PHKA1: variants seen among roughly 807,000 people sequenced by gnomAD.
PHKA1 encodes phosphorylase kinase regulatory subunit alpha 1, also known as phosphorylase b kinase regulatory subunit alpha, skeletal muscle isoform.
PHKA1 carries 60 observed loss-of-function variants against 110.2 expected under a neutral mutation model. That is an observed-to-expected ratio of 0.54 (90% CI 0.44 to 0.68). PHKA1 has a LOEUF of 0.68. Among genes scored for constraint, PHKA1 ranks in the 30% least tolerant of loss-of-function variants. The probability of loss-of-function intolerance (pLI) is 0.00; values close to 1 mark genes in which losing one functional copy is unlikely to be tolerated. For synonymous variants in PHKA1, 316 were observed against 333.6 expected (o/e 0.95, Z 0.58); for missense variants, 801 against 942.5 (o/e 0.85, Z 1.97).
chrX:72,637,563 A>C (rs1556292604), intron 14 of PHKA1, among the ~76,000 whole-genome samples: 1 of 111,671 alleles, frequency 9.0e-6, no homozygotes, highest in African/African-American at 3.3e-5. Context: ...TTGGATATAT[A>C]CTCAGAAGTG....
chrX:72,646,056 G>A (rs1173389068), intron 13 of PHKA1, among the ~76,000 whole-genome samples: 1 of 112,168 alleles, frequency 8.9e-6, no homozygotes, highest in Non-Finnish European at 1.9e-5. Flanking sequence ...TGTATAGAGG[G>A]AGGTGGGAAG....
At position 72,700,362 on chromosome X, in the gene PHKA1, T is replaced by G. The variant is rs188680401; in HGVS notation, c.286-4486A>C. Among the ~76,000 whole-genome samples, 913 of 112,355 alleles carry G rather than the reference T, an allele frequency of 8.1e-3. 15 individuals carry two copies. The highest frequency in any genetic ancestry group is 0.028 in the African/African-American group (870 of 31,000). Reference sequence around the variant, plus strand: ...AAATTATGTCTTTTTCTAACCTAATTAATCCTTTAAGACATTAGGTTCCCT... The same window carrying G: ...AAATTATGTCTTTTTCTAACCTAATGAATCCTTTAAGACATTAGGTTCCCT... On this transcript the variant is annotated intron_variant, in intron 3 of 31. Coordinates refer to ENST00000373542, the MANE Select transcript of PHKA1 (RefSeq NM_002637.4).
At chrX:72,613,408 C>CAA (rs1556263902) in intron 21 of PHKA1, among the ~76,000 whole-genome samples, 3 of 106,199 alleles carry the variant, frequency 2.8e-5, no homozygotes, top group African/African-American at 7.2e-5. Context: ...CACACACACA[C>CAA]AACACTGACT....
At chrX:72,649,853 G>A (rs2053406544) in intron 13 of PHKA1, among the ~76,000 whole-genome samples, 1 of 110,150 alleles carries the variant, frequency 9.1e-6, no homozygotes, top group Admixed American at 9.7e-5. Context: ...TTAGCTAGGC[G>A]TGGTGGTGCG....
intron 5 of PHKA1, among the ~76,000 whole-genome samples, chrX:72,677,978 G>A (rs1447478277): frequency 9.9e-5 from 11 of 111,366 alleles, no homozygotes; most frequent in Non-Finnish European, 1.9e-4. Context: ...AGTCCAGGAG[G>A]TTGAAGCTGA....
rs781879626 is a variant in PHKA1 at position 72,582,521 on chromosome X, C to T, written c.3375G>A (p.Gln1125=). ...LNRVPQPEYR[Q]LLVEAILVLT... ...GGACAAGGATGGCTTCAACCAGCAG[C>T]TGACGGTACTCTGGCTGAGGTACAC... Residue 1125 remains glutamine (Q), a synonymous_variant, in exon 31 of 32, where the codon CAG becomes CAA. Coordinates refer to ENST00000373542, the MANE Select transcript of PHKA1 (RefSeq NM_002637.4). 1 of 1,199,848 alleles carries T rather than the reference C, an allele frequency of 8.3e-7. No individual in the cohort carries two copies. Among genetic ancestry groups the T allele is most frequent in the Non-Finnish European group, 1.1e-6 (1 of 885,932 alleles).
intron 5 of PHKA1, 61 bp from the exon 6 acceptor site, chrX:72,676,211 C>CATCT: frequency 3.5e-6 from 3 of 857,900 alleles, no homozygotes; most frequent in Non-Finnish European, 5.2e-6. Flanking sequence ...TTCCTAGATG[C>CATCT]AGGAAGTGTT....
chrX:72,702,934 G>C (rs887984157), intron 3 of PHKA1, among the ~76,000 whole-genome samples: 4 of 111,654 alleles, frequency 3.6e-5, no homozygotes, highest in Non-Finnish European at 1.9e-5. Flanking sequence ...GCAACCATCT[G>C]TCTCTTACCT....
intron 8 of PHKA1, among the ~76,000 whole-genome samples, chrX:72,665,350 A>G (rs1384414202): frequency 8.9e-6 from 1 of 111,969 alleles, no homozygotes; most frequent in East Asian, 2.8e-4. Flanking sequence ...AAGAAGAAAT[A>G]GAAAACCTGA....
At chrX:72,653,411 A>AT (rs1569441890) in intron 11 of PHKA1, 24 bp downstream of exon 11, 1 of 1,011,869 alleles carries the variant, frequency 9.9e-7, no homozygotes. Flanking sequence ...TATCAGCTAC[A>AT]TGTTATGGCA....
At chrX:72,613,365 G>A (rs1474395121) in intron 21 of PHKA1, among the ~76,000 whole-genome samples, 1 of 95,852 alleles carries the variant, frequency 1.0e-5, no homozygotes, top group African/African-American at 4.8e-5. Context: ...ATCCATAAAT[G>A]TCCATGGGAG....
intron 28 of PHKA1, among the ~76,000 whole-genome samples, chrX:72,599,134 A>T (rs186201887): frequency 8.9e-6 from 1 of 111,785 alleles, no homozygotes; most frequent in Admixed American, 9.5e-5. Context: ...GTTAGTGTGG[A>T]TATGATAGAG....
intron 18 of PHKA1, chrX:72,622,358 C>T (rs2052991925): frequency 1.7e-5 from 13 of 752,520 alleles, no homozygotes; most frequent in Middle Eastern, 7.4e-4. Flanking sequence ...AAGATACAGG[C>T]TAACAGTCAA....
intron 5 of PHKA1, among the ~76,000 whole-genome samples, chrX:72,682,796 G>T (rs2053922201): frequency 2.5e-5 from 2 of 80,082 alleles, no homozygotes; most frequent in Non-Finnish European, 4.8e-5. Flanking sequence ...GCGGAAGGCC[G>T]CAGGGTCCTC....
At chrX:72,702,318 C>G (rs782797823) in intron 3 of PHKA1, among the ~76,000 whole-genome samples, 5 of 110,424 alleles carry the variant, frequency 4.5e-5, no homozygotes, top group Non-Finnish European at 9.5e-5. Context: ...AGTGTGGTGG[C>G]GCACATCTGT....
rs373681328 is a variant in PHKA1, at chrX:72,611,197, C to T, written c.2370-13G>A. The T allele has an allele frequency of 1.4e-4, 159 of 1,176,031 alleles. No individual in the cohort carries two copies. Among genetic ancestry groups the T allele is most frequent in the East Asian group, 4.2e-4 (14 of 33,620 alleles). ...CCAGTCAGGTCCTCTAGAATTTTAA[C>T]GACAGGACTACATCAGTTTTAAGTA... is the stretch of plus-strand genomic sequence containing the variant. On this transcript the variant is annotated splice_polypyrimidine_tract_variant and intron_variant, in intron 21 of 31. Transcript: ENST00000373542.
At chrX:72,609,444 CTG>C (rs1209367518) in intron 23 of PHKA1, among the ~76,000 whole-genome samples, 178 bp downstream of exon 23, 1 of 112,021 alleles carries the variant, frequency 8.9e-6, no homozygotes, top group Non-Finnish European at 1.9e-5. Flanking sequence ...GAGTACTACT[CTG>C]TGAGTTTTCT....
chrX:72,640,761 G>A (rs1207009529), intron 14 of PHKA1, among the ~76,000 whole-genome samples: 1 of 111,486 alleles, frequency 9.0e-6, no homozygotes, highest in African/African-American at 3.2e-5. Flanking sequence ...AACCAGAATA[G>A]CATACCTATT....
rs781982687 is a variant in PHKA1 at position 72,605,316 on chromosome X, T to C, written c.2770A>G (p.Ile924Val). 12 of 1,205,398 alleles carry C rather than the reference T, an allele frequency of 1.0e-5. No individual in the cohort carries two copies. The highest frequency in any genetic ancestry group is 1.3e-5 in the Non-Finnish European group (12 of 889,637). The part of the protein sequence containing the change: ...EMFRLRIGLI[I>V]QVMATELAHS... ...GCCAGTTCTGTTGCCATAACTTGTA[T>C]GATCAGACCAATTCGAAGTCGAAAC... The change falls in exon 25 of 32, where the codon ATA becomes GTA. Residue 924 changes from isoleucine (I) to valine (V), a missense_variant. Coordinates refer to ENST00000373542, the MANE Select transcript of PHKA1 (RefSeq NM_002637.4).
Sources: gnomAD v4.1 joint callset for allele counts (sites outside exome capture counted in the v4.1 genomes callset) on GRCh38, gnomAD v4.1.1 for gene constraint, MANE v1.5 for transcripts, NCBI Gene and HGNC (gene_info 2026-07-23, HGNC 2026-07-21) for gene names.